Variants in CA10 observed in about 807,000 individuals in gnomAD.
CA10 encodes the protein carbonic anhydrase 10 (inactive).
Under a neutral mutation model 44.2 loss-of-function variants are expected in CA10, and 14 were observed. That is an observed-to-expected ratio of 0.32 (90% CI 0.21 to 0.50). The LOEUF is 0.50. Ranked by LOEUF, CA10 falls within the 20% of genes least tolerant of loss-of-function variation. The pLI is 0.99. For missense variants in CA10, 350 were observed against 409.7 expected, an observed-to-expected ratio of 0.85 and a Z score of 1.26; for synonymous variants, 159 against 141.6, an observed-to-expected ratio of 1.12 and a Z score of -0.87.
intron 3 of CA10, among the ~76,000 whole-genome samples, chr17:51,760,174 T>C (rs1228906102): frequency 6.6e-6 from 1 of 152,228 alleles, no homozygotes; most frequent in African/African-American, 2.4e-5. Flanking sequence ...CTTCTTAACA[T>C]TCCCCGTGTG....
intron 3 of CA10, among the ~76,000 whole-genome samples, chr17:51,751,028 G>A (rs1336662661): frequency 6.6e-6 from 1 of 152,092 alleles, no homozygotes; most frequent in Non-Finnish European, 1.5e-5. Context: ...TGCGACCTAG[G>A]GTAGTTTACT....
At chr17:51,669,702 C>T (rs1032003585) in intron 4 of CA10, among the ~76,000 whole-genome samples, 2 of 152,182 alleles carry the variant, frequency 1.3e-5, no homozygotes, top group Non-Finnish European at 2.9e-5. Flanking sequence ...CAAAGGCCTG[C>T]AGCTTCACTC....
chr17:51,804,912 C>A (rs1044290486), intron 3 of CA10, among the ~76,000 whole-genome samples: 1 of 152,122 alleles, frequency 6.6e-6, no homozygotes, highest in African/African-American at 2.4e-5. Context: ...TCCTTAATTG[C>A]AAATTTTCCC....
intron 4 of CA10, among the ~76,000 whole-genome samples, chr17:51,679,230 G>T (rs978522666): frequency 6.7e-6 from 1 of 150,344 alleles, no homozygotes; most frequent in South Asian, 2.1e-4. Flanking sequence ...GATTCATTAT[G>T]TCTGGGGCAG....
intron 1 of CA10, among the ~76,000 whole-genome samples, chr17:52,123,281 T>C (rs1989049521): frequency 1.3e-5 from 2 of 151,916 alleles, no homozygotes; most frequent in African/African-American, 2.4e-5. Flanking sequence ...TTTATAAAAC[T>C]GTAATGTAAA....
At chr17:51,863,525 G>A (rs1279837794) in intron 3 of CA10, among the ~76,000 whole-genome samples, 1 of 152,142 alleles carries the variant, frequency 6.6e-6, no homozygotes, top group African/African-American at 2.4e-5. Context: ...AGAACCACCT[G>A]GAGTTAGTCC....
At chr17:51,816,603 C>G (rs1907572138) in intron 3 of CA10, among the ~76,000 whole-genome samples, 1 of 152,164 alleles carries the variant, frequency 6.6e-6, no homozygotes, top group African/African-American at 2.4e-5. Flanking sequence ...GTATCCACAA[C>G]TAATTTTCTA....
chr17:52,083,092 A>G lies in CA10; in HGVS notation c.62-10699T>C, dbSNP rs75612177. ...ATATTCAGAATGCTAGGAGCATACT[A>G]ATAACTCCATTTTTAAACTACAATT... On this transcript the variant is annotated intron_variant, in intron 1 of 8. Transcript: ENST00000451037. Among the ~76,000 whole-genome samples the G allele has an allele frequency of 3.4e-3, 523 of 152,314 alleles. 2 individuals are homozygous for G. In the Middle Eastern group the frequency reaches 0.041, roughly 12 times the overall value.
intron 3 of CA10, among the ~76,000 whole-genome samples, chr17:51,929,238 C>T (rs1054455376): frequency 6.6e-6 from 1 of 151,962 alleles, no homozygotes; most frequent in Non-Finnish European, 1.5e-5. Flanking sequence ...TTTTCTTTCA[C>T]ATCAACATTT....
chr17:51,754,465 A>AT (rs1334476528), intron 3 of CA10, among the ~76,000 whole-genome samples: 1 of 140,830 alleles, frequency 7.1e-6, no homozygotes, highest in Non-Finnish European at 1.5e-5. Context: ...AAATAAAGAG[A>AT]TTTTAAGAAA....
intron 1 of CA10, among the ~76,000 whole-genome samples, chr17:52,123,040 C>T (rs1024153770): frequency 6.6e-6 from 1 of 152,086 alleles, no homozygotes; most frequent in African/African-American, 2.4e-5. Context: ...ATTTGCCAAT[C>T]ATATATTCTG....
At chr17:52,106,237 T>G (rs1988659541) in intron 1 of CA10, among the ~76,000 whole-genome samples, 1 of 152,170 alleles carries the variant, frequency 6.6e-6, no homozygotes. Context: ...ATCGTGAAAG[T>G]CTTCCTGACC....
intron 4 of CA10, among the ~76,000 whole-genome samples, chr17:51,744,654 T>A (rs1213873136): frequency 2.0e-5 from 3 of 152,098 alleles, no homozygotes; most frequent in Non-Finnish European, 4.4e-5. Context: ...TCCAGTAATA[T>A]GAAGTCACAA....
Position 51,691,808 on chromosome 17 carries a change from C to G in CA10, c.466-38072G>C, listed in dbSNP as rs182520198. ...ATGTGACTATCCAGTTTTCCCAACA[C>G]CATTTATTGAAGAGACTGTCCTTTC... On this transcript the variant is annotated intron_variant, in intron 4 of 8. Transcript: ENST00000451037. Among the ~76,000 whole-genome samples, 77 of 152,300 alleles carry G rather than the reference C, an allele frequency of 5.1e-4. 1 individual carries two copies. Among genetic ancestry groups the G allele is most frequent in the African/African-American group, 1.9e-3 (77 of 41,578 alleles).
intron 2 of CA10, among the ~76,000 whole-genome samples, chr17:52,041,765 T>C (rs1443617841): frequency 6.6e-6 from 1 of 152,150 alleles, no homozygotes; most frequent in African/African-American, 2.4e-5. Flanking sequence ...CTCCAGGCTC[T>C]GACAATCACC....
chr17:51,981,577 T>C (rs1442344615), intron 2 of CA10, among the ~76,000 whole-genome samples: 1 of 152,018 alleles, frequency 6.6e-6, no homozygotes, highest in Non-Finnish European at 1.5e-5. Context: ...GTGTTATATC[T>C]TGGTGGAGGT....
chr17:52,112,198 A>C (rs1324130220), intron 1 of CA10, among the ~76,000 whole-genome samples: 2 of 152,152 alleles, frequency 1.3e-5, no homozygotes, highest in Non-Finnish European at 2.9e-5. Context: ...AAAGAAAAAA[A>C]AAAAACTCAC....
At chr17:52,145,349 G>A (rs1989561633) in intron 1 of CA10, among the ~76,000 whole-genome samples, 1 of 152,136 alleles carries the variant, frequency 6.6e-6, no homozygotes, top group African/African-American at 2.4e-5. Context: ...TCCTAAGTTG[G>A]AAAGGGATCT....
chr17:51,657,053 G>A (rs1288537369), intron 4 of CA10, among the ~76,000 whole-genome samples: 1 of 152,178 alleles, frequency 6.6e-6, no homozygotes, highest in South Asian at 2.1e-4. Context: ...AAATAGAGGT[G>A]GAGGTTGGGG....
Sources: allele counts gnomAD v4.1 joint callset (sites outside exome capture counted in the v4.1 genomes callset), GRCh38; gene constraint gnomAD v4.1.1; transcripts MANE v1.5; gene names NCBI Gene and HGNC (gene_info 2026-07-23, HGNC 2026-07-21).